The following WT1 variants were observed in gnomAD, a reference collection of about 807,000 sequenced individuals.
The protein encoded by WT1 is WT1 transcription factor.
Under a neutral mutation model 60.8 loss-of-function variants are expected in WT1, and 8 were observed. That is an observed-to-expected ratio of 0.13 (90% CI 0.08 to 0.24). The LOEUF is 0.24. Ranked by LOEUF, WT1 falls within the 10% of genes least tolerant of loss-of-function variation. The probability of loss-of-function intolerance (pLI) is 1.00; values close to 1 mark genes in which losing one functional copy is unlikely to be tolerated. For synonymous variants in WT1, 312 were observed against 297.1 expected (o/e 1.05, Z -0.52); for missense variants, 568 against 711.8 (o/e 0.80, Z 2.30).
chr11:32,432,616 A>T (rs892179483), intron 1 of WT1, among the ~76,000 whole-genome samples: 1 of 152,148 alleles, frequency 6.6e-6, no homozygotes, highest in Non-Finnish European at 1.5e-5. Flanking sequence ...GAGAAGAAGG[A>T]TACATTCACC....
At chr11:32,391,186 T>C (rs1476632746) in intron 9 of WT1, among the ~76,000 whole-genome samples, 1 of 152,110 alleles carries the variant, frequency 6.6e-6, no homozygotes, top group African/African-American at 2.4e-5. Flanking sequence ...GGTTTTGCCA[T>C]GTTGCCCAGG....
rs1436989260 is a variant in WT1 at position 32,428,694 on chromosome 11, C to CG, written c.662-76dup. The CG allele has an allele frequency of 3.8e-5, 58 of 1,524,100 alleles. 1 individual carries two copies. The highest frequency in any genetic ancestry group is 1.0e-4 in the African/African-American group (6 of 57,686). The allele number at this position is 1,524,100 out of a possible 1,614,324, so 94.4% of individuals were successfully genotyped here. ...CGGGGCAGTGGGTCTGAACCAGCCA[C>CG]GGGCGGGGGGGGTGTGCGCTGAACC... On this transcript the variant is annotated intron_variant, in intron 1 of 9. Coordinates refer to ENST00000452863, the MANE Select transcript of WT1 (RefSeq NM_024426.6).
In WT1 at chr11:32,430,457, A is replaced by G. The variant is rs980315447; in HGVS notation, c.662-1838T>C. The G allele has an allele frequency of 8.6e-3, 1,671 of 194,242 alleles. 5 individuals carry two copies. Among genetic ancestry groups the G allele is most frequent in the African/African-American group, 0.01 (266 of 26,556 alleles). 12.0% of individuals were successfully genotyped at this position (194,242 alleles called of 1,614,324 possible). ...CAGAGAGAGAGAGAGAGAGGGAGGG[A>G]GAGAGAGAGAGAGAGAGAGAGAGAG... is the stretch of plus-strand genomic sequence containing the variant. On this transcript the variant is annotated intron_variant, in intron 1 of 9. Coordinates refer to ENST00000452863, the MANE Select transcript of WT1 (RefSeq NM_024426.6).
chr11:32,419,976 G>A (rs1005517166), intron 3 of WT1, among the ~76,000 whole-genome samples: 2 of 152,154 alleles, frequency 1.3e-5, no homozygotes, highest in African/African-American at 2.4e-5. Flanking sequence ...TTACAGGCAT[G>A]AGCCACCGTG....
intron 1 of WT1, chr11:32,430,504 T>C: frequency 6.9e-7 from 1 of 1,454,700 alleles, no homozygotes. Context: ...AAATAGAAGC[T>C]ACGAAGAAGT....
At position 32,430,474 on chromosome 11, in the gene WT1, GA is replaced by G. The variant is rs1179298939; in HGVS notation, c.662-1856del. The G allele has an allele frequency of 2.0e-4, 309 of 1,566,662 alleles. No individual in the cohort carries two copies. The African/African-American group carries it at 2.9e-3, about 15-fold the overall frequency. On this transcript the variant is annotated intron_variant, in intron 1 of 9. Transcript: ENST00000452863. ...AGGGAGGGAGAGAGAGAGAGAGAGAGAGAGAGAGAGAGAGAGACGAAATAGA... is the reference window on the plus strand; with the variant it reads ...AGGGAGGGAGAGAGAGAGAGAGAGAGGAGAGAGAGAGAGAGACGAAATAGA...
At chr11:32,421,161 G>A (rs577025317) in intron 3 of WT1, among the ~76,000 whole-genome samples, 50 of 152,314 alleles carry the variant, frequency 3.3e-4, no homozygotes, top group African/African-American at 1.1e-3. Context: ...ATACTGGGCC[G>A]AAGCATGCTC....
At chr11:32,420,877 G>A (rs1325185949) in intron 3 of WT1, among the ~76,000 whole-genome samples, 1 of 152,172 alleles carries the variant, frequency 6.6e-6, no homozygotes, top group Non-Finnish European at 1.5e-5. Flanking sequence ...TGTCCTGATA[G>A]CTTAGCCTGC....
Position 32,434,969 on chromosome 11 carries a change from G to C in WT1, c.392C>G (p.Pro131Arg), listed in dbSNP as rs1443423967. ...CGGCGGCGGGGGTGGCGGCGGAGCC[G>C]GTGGCGGCGCGGGGCCGCCCAACGA... Residue 131 changes from proline to arginine, a missense_variant, in exon 1 of 10, where the codon CCG becomes CGG. Pro to Arg is a moderately radical substitution (Grantham distance 103, BLOSUM62 -2). Transcript: ENST00000452863. 7.1e-6 allele frequency: 11 copies of C among 1,539,630 alleles called. No individual in the cohort carries two copies. Among genetic ancestry groups the C allele is most frequent in the Admixed American group, 2.0e-5 (1 of 49,768 alleles).
At chr11:32,394,775 T>C (rs2132931395) in intron 7 of WT1, among the ~76,000 whole-genome samples, 1 of 152,364 alleles carries the variant, frequency 6.6e-6, no homozygotes, top group East Asian at 1.9e-4. Flanking sequence ...GAAGAGTTTC[T>C]TAAAGGCTCC....
At chr11:32,403,632 T>G (rs1273210704) in intron 5 of WT1, among the ~76,000 whole-genome samples, 1 of 148,530 alleles carries the variant, frequency 6.7e-6, no homozygotes, top group East Asian at 2.0e-4. Flanking sequence ...TGGAGTGCAG[T>G]GGCATGAAGT....
At chr11:32,432,416 A>T (rs1425379960) in intron 1 of WT1, among the ~76,000 whole-genome samples, 2 of 152,194 alleles carry the variant, frequency 1.3e-5, no homozygotes, top group African/African-American at 4.8e-5. Context: ...CTCGAGGGCC[A>T]CCCTTGCCCA....
chr11:32,428,841 A>G, intron 1 of WT1: 1 of 650,600 alleles, frequency 1.5e-6, no homozygotes, highest in South Asian at 1.8e-5. Context: ...TTTTCTGACT[A>G]AAACCCCCAC....
intron 7 of WT1, 39 bp from the exon 8 acceptor site, chr11:32,392,794 G>A (rs1301379155): frequency 1.9e-6 from 3 of 1,596,358 alleles, no homozygotes; most frequent in Non-Finnish European, 2.6e-6. Context: ...AATGATACTG[G>A]AAAAGGGGAT....
At chr11:32,429,077 G>C (rs1044685325) in intron 1 of WT1, 1 of 279,562 alleles carries the variant, frequency 3.6e-6, no homozygotes, top group African/African-American at 2.2e-5. Flanking sequence ...AGGGGCCCGC[G>C]CACCAACTTT....
At position 32,434,814 on chromosome 11, in the gene WT1, C is replaced by A; in HGVS notation, c.547G>T (p.Gly183Trp). Residue 183 changes from glycine to tryptophan, a missense_variant, in exon 1 of 10, where the codon GGG (glycine) becomes TGG (tryptophan). By Grantham distance (184) the Gly-to-Trp change is radical. This residue lies in a region of WT1 where 523 missense variants were observed against 565.1 expected (regional missense o/e 0.93). Coordinates refer to ENST00000452863, the MANE Select transcript of WT1 (RefSeq NM_024426.6). ...CTGGGCGGAGGAGGACCGAAGGGCC[C>A]GTAGCGACAGGCTCCGGCTGTGCCA... The A allele has an allele frequency of 6.2e-7, 1 of 1,612,470 alleles. No homozygotes were observed. The highest frequency in any genetic ancestry group is 8.5e-7 in the Non-Finnish European group (1 of 1,179,760).
At position 32,435,167 on chromosome 11, in the gene WT1, C is replaced by T. The variant is rs1853470727; in HGVS notation, c.194G>A (p.Gly65Glu). Residue 65 changes from glycine (G) to glutamate (E), a missense_variant, in exon 1 of 10, where the codon GGG becomes GAG. Physicochemically the swap from Gly to Glu is moderately conservative, Grantham distance 98. Transcript: ENST00000452863. ...TTGCTGCGGCTCAGACCCGGACGCC[C>T]CGCGGCTCCTCCGGCCCTGGAGACG... 2 of 1,521,522 alleles carry T rather than the reference C, an allele frequency of 1.3e-6. No individual in the cohort carries two copies. Among genetic ancestry groups the T allele is most frequent in the African/African-American group, 1.4e-5 (1 of 71,758 alleles). The allele number at this position is 1,521,522 out of a possible 1,614,324, so 94.3% of individuals were successfully genotyped here.
In WT1 at chr11:32,392,758, T is replaced by G; in HGVS notation, c.1265-3A>C. ...GTCACACTGGTATGGTTTCTCACCTTGGGGAAGACACATATTCTATTTGAA... is the reference window on the plus strand; with the variant it reads ...GTCACACTGGTATGGTTTCTCACCTGGGGGAAGACACATATTCTATTTGAA... On this transcript the variant is annotated splice_region_variant and splice_polypyrimidine_tract_variant and intron_variant, in intron 7 of 9. Coordinates refer to ENST00000452863, the MANE Select transcript of WT1 (RefSeq NM_024426.6). The G allele has an allele frequency of 1.9e-6, 3 of 1,613,638 alleles. No individual in the cohort carries two copies. Among genetic ancestry groups the G allele is most frequent in the Non-Finnish European group, 2.5e-6 (3 of 1,179,638 alleles).
chr11:32,430,449 AGGGAGG>A lies in WT1; in HGVS notation c.662-1836_662-1831del, dbSNP rs1853248669. 1.0e-4 allele frequency: 126 copies of A among 1,200,680 alleles called. 4 individuals carry two copies. The highest frequency in any genetic ancestry group is 6.8e-4 in the South Asian group (46 of 67,496). 74.4% of individuals were successfully genotyped at this position (1,200,680 alleles called of 1,614,324 possible). On this transcript the variant is annotated intron_variant, in intron 1 of 9. Transcript: ENST00000452863. ...GACAGACACAGAGAGAGAGAGAGAG[AGGGAGG>A]GAGAGAGAGAGAGAGAGAGAGAGAG...
Sources: gnomAD v4.1 joint callset for allele counts (sites outside exome capture counted in the v4.1 genomes callset) on GRCh38, gnomAD v4.1.1 for gene constraint, gnomAD v4.1.1 regional missense constraint, MANE v1.5 for transcripts, NCBI Gene and HGNC (gene_info 2026-07-23, HGNC 2026-07-21) for gene names.